Variants in KDM6A observed in about 807,000 individuals in gnomAD.
KDM6A encodes lysine demethylase 6A, also known as lysine-specific demethylase 6A.
Under a neutral mutation model 117.6 loss-of-function variants are expected in KDM6A, and 11 were observed. The observed-to-expected ratio is 0.09, with a 90% CI of 0.06 to 0.15. The LOEUF is 0.15. Ranked by LOEUF, KDM6A falls within the 10% of genes least tolerant of loss-of-function variation. KDM6A has a pLI of 1.00. For synonymous variants in KDM6A, 384 were observed against 396.1 expected, an observed-to-expected ratio of 0.97 and a Z score of 0.36; for missense variants, 799 against 1,077.3, an observed-to-expected ratio of 0.74 and a Z score of 3.62.
chrX:44,941,939 T>C (rs938705012), intron 2 of KDM6A, among the ~76,000 whole-genome samples: 4 of 111,346 alleles, frequency 3.6e-5, no homozygotes, highest in African/African-American at 1.3e-4. Context: ...GAAAATATTA[T>C]TATCACACCT....
chrX:45,083,554 T>C lies in KDM6A; in HGVS notation c.3535T>C (p.Leu1179=), dbSNP rs755400062. Residue 1179 remains leucine (L), a synonymous_variant, in exon 24 of 30, where the codon TTG becomes CTG. Transcript: ENST00000611820. ...NLLSHVGHTI[L]GMNTVQLYMK... ...TCTAAGCCATGTTGGTCATACCATA[T>C]TGGGCATGAACACAGTTCAACTATA... The C allele has an allele frequency of 8.3e-6, 10 of 1,209,426 alleles. No homozygotes were observed. The South Asian group carries it at 1.1e-4, about 13-fold the overall frequency.
intron 15 of KDM6A, 64 bp downstream of exon 15, chrX:45,061,483 ATTTTT>A (rs1161774144): frequency 6.7e-4 from 156 of 233,957 alleles, no homozygotes; most frequent in East Asian, 1.0e-3. Flanking sequence ...ACAAGTATTA[ATTTTT>A]TTTTTTTTTT....
At chrX:44,971,041 C>T (rs1260924825) in intron 3 of KDM6A, among the ~76,000 whole-genome samples, 2 of 111,374 alleles carry the variant, frequency 1.8e-5, no homozygotes, top group African/African-American at 6.5e-5. Flanking sequence ...AACTGATAAC[C>T]TTTTCAAATC....
intron 25 of KDM6A, among the ~76,000 whole-genome samples, chrX:45,088,394 C>T (rs771052102): frequency 1.2e-4 from 14 of 113,149 alleles, no homozygotes; most frequent in Non-Finnish European, 2.1e-4. Context: ...ATATTTTCAC[C>T]TTTCCTGGTC....
At chrX:45,013,813 A>G (rs761808562) in intron 5 of KDM6A, among the ~76,000 whole-genome samples, 82 of 112,277 alleles carry the variant, frequency 7.3e-4, no homozygotes, top group Admixed American at 4.0e-3. Flanking sequence ...CTTTAACTTG[A>G]TATTTCTTTA....
chrX:45,063,122 G>A (rs1479522546), intron 16 of KDM6A, among the ~76,000 whole-genome samples: 1 of 110,287 alleles, frequency 9.1e-6, no homozygotes, highest in Non-Finnish European at 1.9e-5. Context: ...GGACCTATAA[G>A]TTCGGGGTCG....
chrX:45,011,172 G>A lies in KDM6A; in HGVS notation c.443+153G>A, dbSNP rs41309721. Among the ~76,000 whole-genome samples, 667 of 111,522 alleles carry A rather than the reference G, an allele frequency of 6.0e-3. 2 individuals carry two copies. The highest frequency in any genetic ancestry group is 0.01 in the Non-Finnish European group (545 of 53,056). ...TTTCAGTAATCTTTTGAAATGATTAGATTGTTCCTTGAAGGGTGTTGGCTC... is the reference window on the plus strand; with the variant it reads ...TTTCAGTAATCTTTTGAAATGATTAAATTGTTCCTTGAAGGGTGTTGGCTC... On this transcript the variant is annotated intron_variant, in intron 5 of 29. Transcript: ENST00000611820.
intron 8 of KDM6A, among the ~76,000 whole-genome samples, chrX:45,042,735 A>G (rs945640494): frequency 2.3e-5 from 2 of 86,393 alleles, no homozygotes; most frequent in African/African-American, 1.5e-4. Flanking sequence ...TTCTCTACAT[A>G]GGAAGAAGTT....
chrX:44,947,585 C>T lies in KDM6A; in HGVS notation c.226-13699C>T, dbSNP rs2037724436. 2.7e-5 allele frequency among the ~76,000 whole-genome samples: 3 copies of T among 109,511 alleles called. No homozygotes were observed. In the Admixed American group the frequency reaches 2.9e-4, roughly 11 times the overall value. ...TAGAGACAGGGTTTCACCGTGTTAG[C>T]CAGGATGGTCTCGATCTCCTGACCT... On this transcript the variant is annotated intron_variant, in intron 2 of 29. Transcript: ENST00000611820.
intron 2 of KDM6A, among the ~76,000 whole-genome samples, chrX:44,876,144 CAG>C (rs1179643205): frequency 1.8e-5 from 2 of 111,558 alleles, no homozygotes; most frequent in Non-Finnish European, 3.8e-5. Context: ...GCTTCAGACT[CAG>C]TGCTTGTGAG....
At chrX:45,110,010 G>T in intron 28 of KDM6A, 69 bp from the exon 29 acceptor site, 1 of 981,522 alleles carries the variant, frequency 1.0e-6, no homozygotes. Context: ...AGAATTCCAT[G>T]ATTATACTAA....
intron 18 of KDM6A, among the ~76,000 whole-genome samples, chrX:45,074,392 C>T (rs745392954): frequency 8.9e-6 from 1 of 112,134 alleles, no homozygotes; most frequent in Non-Finnish European, 1.9e-5. Context: ...AAGTCTATTC[C>T]TGTTATCACA....
At chrX:45,037,535 T>A in intron 7 of KDM6A, 120 bp from the exon 8 acceptor site, 1 of 523,552 alleles carries the variant, frequency 1.9e-6, no homozygotes, top group Non-Finnish European at 3.2e-6. Context: ...TGTTTTTCTA[T>A]TACTTAAATC....
At chrX:44,993,222 C>T (rs762270388) in intron 4 of KDM6A, among the ~76,000 whole-genome samples, 3 of 110,656 alleles carry the variant, frequency 2.7e-5, no homozygotes, top group African/African-American at 6.6e-5. Flanking sequence ...AAAACATGGA[C>T]GAGAGTATGG....
intron 4 of KDM6A, among the ~76,000 whole-genome samples, chrX:44,986,733 C>T (rs1322357260): frequency 2.7e-5 from 3 of 111,820 alleles, no homozygotes; most frequent in Admixed American, 9.5e-5. Flanking sequence ...GATTGAGTTT[C>T]TTAATCCTGA....
intron 17 of KDM6A, 99 bp from the exon 18 acceptor site, chrX:45,069,480 A>C (rs1468210959): frequency 1.3e-6 from 1 of 786,116 alleles, no homozygotes. Context: ...TTATACAGTT[A>C]GATATTTATT....
intron 17 of KDM6A, among the ~76,000 whole-genome samples, chrX:45,068,783 CTCTT>C (rs1364695648): frequency 2.0e-5 from 1 of 49,152 alleles, no homozygotes; most frequent in African/African-American, 6.4e-5. Context: ...TCTCTCCTCT[CTCTT>C]CTTTCTCTTT....
chrX:44,969,294 C>G (rs1164078517), intron 3 of KDM6A, among the ~76,000 whole-genome samples: 1 of 110,231 alleles, frequency 9.1e-6, no homozygotes, highest in Non-Finnish European at 1.9e-5. Context: ...GCAAAATATG[C>G]TTTGGTTGTT....
In KDM6A at chrX:45,063,756, G is replaced by C. The variant is rs369284316; in HGVS notation, c.2018G>C (p.Arg673Pro). 1 of 1,205,701 alleles carries C rather than the reference G, an allele frequency of 8.3e-7. No individual in the cohort carries two copies. The highest frequency in any genetic ancestry group is 1.1e-6 in the Non-Finnish European group (1 of 892,184). ...QRNALTLPHNRTNLTSSAEEP... is the reference protein window; with the variant it reads ...QRNALTLPHNPTNLTSSAEEP... Reference sequence around the variant, plus strand: ...AACGCACTCACTCTACCTCATAACCGCACAAACCTGACCAGCAGCGCAGAG... The same window carrying C: ...AACGCACTCACTCTACCTCATAACCCCACAAACCTGACCAGCAGCGCAGAG... The change falls in exon 17 of 30, where the codon CGC becomes CCC. Residue 673 changes from arginine to proline, a missense_variant. By Grantham distance (103) the Arg-to-Pro change is moderately radical. Around this residue, in one of 8 missense-constraint regions of KDM6A, gnomAD observed 301 missense variants for 318.3 expected, o/e 0.95. Transcript: ENST00000611820.
Sources: gnomAD v4.1 joint callset for allele counts (sites outside exome capture counted in the v4.1 genomes callset) on GRCh38, gnomAD v4.1.1 for gene constraint, gnomAD v4.1.1 regional missense constraint, MANE v1.5 for transcripts, NCBI Gene and HGNC (gene_info 2026-07-23, HGNC 2026-07-21) for gene names.